Variants in INPP4B observed in about 807,000 individuals in gnomAD.
INPP4B encodes the protein inositol polyphosphate 4-phosphatase type II.
A neutral mutation model predicts 122.5 loss-of-function variants in INPP4B; 55 were observed. The observed-to-expected ratio is 0.45, with a 90% CI of 0.36 to 0.56. The LOEUF is 0.56. INPP4B is among the 20% of genes least tolerant of loss of function. The pLI, the probability that INPP4B is intolerant of heterozygous loss-of-function variation, is 0.00. For missense variants in INPP4B, 1,000 were observed against 1,097.7 expected, an observed-to-expected ratio of 0.91 and a Z score of 1.26; for synonymous variants, 403 against 388.7, an observed-to-expected ratio of 1.04 and a Z score of -0.43.
chr4:142,470,634 A>C (rs1414700489), intron 2 of INPP4B, among the ~76,000 whole-genome samples: 1 of 152,234 alleles, frequency 6.6e-6, no homozygotes, highest in Non-Finnish European at 1.5e-5. Context: ...TCAAATATTT[A>C]TCATGATATT....
At chr4:142,107,027 A>T (rs532574758) in intron 23 of INPP4B, among the ~76,000 whole-genome samples, 3 of 152,274 alleles carry the variant, frequency 2.0e-5, no homozygotes, top group Admixed American at 2.0e-4. Context: ...TTTTCAGGTA[A>T]TTAACAAATT....
At chr4:142,429,900 C>T (rs1808921164) in intron 4 of INPP4B, among the ~76,000 whole-genome samples, 1 of 151,992 alleles carries the variant, frequency 6.6e-6, no homozygotes, top group Admixed American at 6.6e-5. Context: ...GGGTAGATGC[C>T]TAAAATCCAC....
At chr4:142,327,101 A>G (rs1043774852) in intron 7 of INPP4B, among the ~76,000 whole-genome samples, 1 of 152,148 alleles carries the variant, frequency 6.6e-6, no homozygotes, top group Non-Finnish European at 1.5e-5. Flanking sequence ...GACACAATTT[A>G]TCACAGTACC....
intron 2 of INPP4B, among the ~76,000 whole-genome samples, chr4:142,590,845 C>G (rs1181160425): frequency 7.0e-6 from 1 of 143,860 alleles, no homozygotes; most frequent in Non-Finnish European, 1.5e-5. Flanking sequence ...CAAAGCACAG[C>G]CAGTGCCAGA....
At chr4:142,029,062 C>T in intron 25 of INPP4B, 148 bp from the exon 26 acceptor site, 2 of 1,401,604 alleles carry the variant, frequency 1.4e-6, no homozygotes, top group Non-Finnish European at 1.8e-6. Flanking sequence ...GATGATACAT[C>T]TTACAAAATT....
intron 15 of INPP4B, among the ~76,000 whole-genome samples, chr4:142,191,112 T>C (rs1016022644): frequency 1.5e-4 from 23 of 152,208 alleles, no homozygotes; most frequent in Middle Eastern, 3.4e-3. Flanking sequence ...TTAATCACAA[T>C]GAAACACTCT....
intron 1 of INPP4B, among the ~76,000 whole-genome samples, chr4:142,728,100 T>C (rs912500419): frequency 1.3e-5 from 2 of 152,284 alleles, no homozygotes; most frequent in African/African-American, 4.8e-5. Flanking sequence ...ACAGTGCCCA[T>C]TGGGAGTCTT....
intron 2 of INPP4B, among the ~76,000 whole-genome samples, chr4:142,557,044 C>T (rs1002924331): frequency 6.6e-6 from 1 of 152,050 alleles, no homozygotes; most frequent in African/African-American, 2.4e-5. Flanking sequence ...ATATTATATC[C>T]CTAGCCAACT....
At chr4:142,751,396 AG>A (rs1329941085) in intron 1 of INPP4B, among the ~76,000 whole-genome samples, 1 of 151,794 alleles carries the variant, frequency 6.6e-6, no homozygotes, top group African/African-American at 2.4e-5. Context: ...ACATCTGTGG[AG>A]GACTGTGCAA....
intron 7 of INPP4B, among the ~76,000 whole-genome samples, chr4:142,398,401 A>AAAAAATAT (rs1800278058): frequency 3.5e-5 from 1 of 28,496 alleles, no homozygotes; most frequent in Non-Finnish European, 6.4e-5. Context: ...AAAAAAAAAA[A>AAAAAATAT]ATATATATAT....
At chr4:142,631,966 C>T (rs1160094437) in intron 2 of INPP4B, among the ~76,000 whole-genome samples, 1 of 152,106 alleles carries the variant, frequency 6.6e-6, no homozygotes, top group African/African-American at 2.4e-5. Context: ...ACTGTTACTT[C>T]CCAGACCCAA....
chr4:142,564,039 A>C (rs1731048859), intron 2 of INPP4B, among the ~76,000 whole-genome samples: 1 of 152,214 alleles, frequency 6.6e-6, no homozygotes, highest in Admixed American at 6.5e-5. Context: ...CAAGACCCTA[A>C]GTTTAGTAAT....
chr4:142,060,579 C>A (rs1414318183), intron 25 of INPP4B, among the ~76,000 whole-genome samples: 1 of 152,190 alleles, frequency 6.6e-6, no homozygotes, highest in Non-Finnish European at 1.5e-5. Flanking sequence ...CCTGGTTCCA[C>A]CACGTCTTAG....
intron 11 of INPP4B, among the ~76,000 whole-genome samples, chr4:142,247,209 A>G (rs1447102298): frequency 6.6e-6 from 1 of 152,140 alleles, no homozygotes; most frequent in East Asian, 1.9e-4. Context: ...CATTTTATTG[A>G]GGATTTTCGC....
intron 2 of INPP4B, among the ~76,000 whole-genome samples, chr4:142,714,703 T>C (rs1474847165): frequency 6.6e-6 from 1 of 152,172 alleles, no homozygotes; most frequent in Non-Finnish European, 1.5e-5. Flanking sequence ...AAGGCCCTTT[T>C]TGCCTTGAAG....
chr4:142,098,367 A>C (rs1215369356), intron 23 of INPP4B, among the ~76,000 whole-genome samples: 4 of 152,156 alleles, frequency 2.6e-5, no homozygotes, highest in Non-Finnish European at 2.9e-5. Context: ...AACAACAAAA[A>C]AAAAACTAAC....
intron 2 of INPP4B, among the ~76,000 whole-genome samples, chr4:142,586,258 G>A (rs1204203047): frequency 1.3e-5 from 2 of 151,996 alleles, no homozygotes; most frequent in Non-Finnish European, 2.9e-5. Flanking sequence ...TTTGTACTGA[G>A]CCAAGATCGC....
intron 2 of INPP4B, among the ~76,000 whole-genome samples, chr4:142,525,383 A>T (rs1018178988): frequency 7.2e-6 from 1 of 138,410 alleles, no homozygotes; most frequent in Admixed American, 7.3e-5. Flanking sequence ...AATTGGAAAA[A>T]ACTACTTTAA....
intron 2 of INPP4B, among the ~76,000 whole-genome samples, chr4:142,638,515 T>C (rs1364230877): frequency 6.6e-6 from 1 of 151,810 alleles, no homozygotes; most frequent in African/African-American, 2.4e-5. Flanking sequence ...GGGCTCTTTA[T>C]ACTGTTCCAT....
Sources: gnomAD v4.1 joint callset for allele counts (sites outside exome capture counted in the v4.1 genomes callset) on GRCh38, gnomAD v4.1.1 for gene constraint, MANE v1.5 for transcripts, NCBI Gene and HGNC (gene_info 2026-07-23, HGNC 2026-07-21) for gene names.